KCNMA1: variants seen among roughly 807,000 people sequenced by gnomAD.
KCNMA1 encodes potassium calcium-activated channel subfamily M alpha 1, also known as Calcium-activated potassium channel subunit alpha-1.
KCNMA1 carries 29 observed loss-of-function variants against 140.0 expected under a neutral mutation model. That is an observed-to-expected ratio of 0.21 (90% CI 0.15 to 0.28). The LOEUF is 0.28. Ranked by LOEUF, KCNMA1 falls within the 10% of genes least tolerant of loss-of-function variation. KCNMA1 has a pLI of 1.00. For missense variants in KCNMA1, 880 were observed against 1,602.2 expected (o/e 0.55, Z 7.70); for synonymous variants, 612 against 611.9 (o/e 1.00, Z 0.00).
chr10:77,482,164 A>G (rs1187843812), intron 1 of KCNMA1, among the ~76,000 whole-genome samples: 2 of 152,192 alleles, frequency 1.3e-5, no homozygotes, highest in Non-Finnish European at 2.9e-5. Context: ...TATGGCTCAG[A>G]GATTGGAGTG....
chr10:77,004,797 C>G (rs2087830039), intron 18 of KCNMA1, among the ~76,000 whole-genome samples: 1 of 152,164 alleles, frequency 6.6e-6, no homozygotes, highest in Non-Finnish European at 1.5e-5. Flanking sequence ...CATGGATATT[C>G]AGAACCACTG....
intron 2 of KCNMA1, among the ~76,000 whole-genome samples, chr10:77,380,096 G>C (rs1462298332): frequency 6.6e-6 from 1 of 152,022 alleles, no homozygotes; most frequent in African/African-American, 2.4e-5. Flanking sequence ...ACTCTCAGAG[G>C]GGGAAAAATG....
intron 1 of KCNMA1, among the ~76,000 whole-genome samples, chr10:77,550,051 T>A (rs374007987): frequency 1.3e-5 from 2 of 152,144 alleles, no homozygotes; most frequent in African/African-American, 4.8e-5. Context: ...TGGAGTAAGA[T>A]TCAGCATTGT....
chr10:76,980,339 C>A (rs1316648588), intron 19 of KCNMA1: 1 of 152,248 alleles, frequency 6.6e-6, no homozygotes, highest in Non-Finnish European at 1.5e-5. Flanking sequence ...CCAGCTCTGA[C>A]CCTCTTTAGA....
At chr10:77,260,891 A>G (rs1329475364) in intron 2 of KCNMA1, among the ~76,000 whole-genome samples, 2 of 152,238 alleles carry the variant, frequency 1.3e-5, no homozygotes, top group Non-Finnish European at 2.9e-5. Context: ...CTGTGAAAAC[A>G]GATGTCATAA....
intron 1 of KCNMA1, among the ~76,000 whole-genome samples, chr10:77,543,016 T>TTTCTCTCTCTCTCA: frequency 7.9e-5 from 2 of 25,222 alleles, no homozygotes; most frequent in South Asian, 2.1e-3. Flanking sequence ...ACTCTCTCTC[T>TTTCTCTCTCTCTCA]TTCTCTCTCT....
intron 14 of KCNMA1, among the ~76,000 whole-genome samples, chr10:77,071,810 C>A (rs2096224586): frequency 6.6e-6 from 1 of 152,150 alleles, no homozygotes; most frequent in African/African-American, 2.4e-5. Context: ...GCAATTTGTT[C>A]CTTTATGTGG....
chr10:76,936,284 A>G (rs569062733), intron 23 of KCNMA1, among the ~76,000 whole-genome samples: 19 of 152,296 alleles, frequency 1.2e-4, no homozygotes, highest in African/African-American at 4.6e-4. Context: ...AGCTCTTTTA[A>G]TGAAATGTAC....
intron 2 of KCNMA1, among the ~76,000 whole-genome samples, chr10:77,316,682 G>A (rs529943517): frequency 1.3e-5 from 2 of 152,242 alleles, no homozygotes; most frequent in South Asian, 4.2e-4. Flanking sequence ...CACCACCTCA[G>A]CCAATAATTT....
chr10:76,999,447 G>A (rs532747248), intron 19 of KCNMA1, among the ~76,000 whole-genome samples: 4 of 152,234 alleles, frequency 2.6e-5, no homozygotes, highest in African/African-American at 9.6e-5. Context: ...GAGTAACCCG[G>A]GGGCTTGTGG....
chr10:77,197,680 T>C (rs1410010907), intron 3 of KCNMA1, among the ~76,000 whole-genome samples: 1 of 152,140 alleles, frequency 6.6e-6, no homozygotes, highest in African/African-American at 2.4e-5. Flanking sequence ...CACGTCAACA[T>C]GCTTGGGCAG....
intron 1 of KCNMA1, among the ~76,000 whole-genome samples, chr10:77,499,792 A>G (rs949413051): frequency 4.6e-5 from 7 of 152,246 alleles, no homozygotes; most frequent in African/African-American, 1.4e-4. Context: ...AAGATCTATT[A>G]GGTTTAAATA....
chr10:77,280,890 T>C (rs1471876263), intron 2 of KCNMA1, among the ~76,000 whole-genome samples: 2 of 152,192 alleles, frequency 1.3e-5, no homozygotes, highest in Admixed American at 1.3e-4. Flanking sequence ...GAATAAAATC[T>C]TTAACACATA....
intron 1 of KCNMA1, among the ~76,000 whole-genome samples, chr10:77,578,301 G>A (rs11002208): frequency 0.24 from 36,826 of 152,110 alleles, 4,542 homozygotes; most frequent in Middle Eastern, 0.31. Context: ...CTCTGGTCCC[G>A]GCTGTGCCGC....
intron 1 of KCNMA1, among the ~76,000 whole-genome samples, chr10:77,540,877 C>T (rs144752209): frequency 0.031 from 4,692 of 152,010 alleles, 261 homozygotes; most frequent in African/African-American, 0.11. Context: ...TGGTGGTGCA[C>T]GCCTGTAATC....
chr10:77,017,746 C>A (rs1437151168), intron 17 of KCNMA1, among the ~76,000 whole-genome samples: 2 of 152,294 alleles, frequency 1.3e-5, no homozygotes, highest in Non-Finnish European at 2.9e-5. Flanking sequence ...ATTAAGAGTG[C>A]AAGCTCCAAC....
chr10:77,086,253 T>C (rs1486577385), intron 11 of KCNMA1, among the ~76,000 whole-genome samples: 1 of 152,186 alleles, frequency 6.6e-6, no homozygotes, highest in African/African-American at 2.4e-5. Context: ...TTTCATGTTA[T>C]GACCAGTCCA....
chr10:77,500,756 T>C (rs1222017891), intron 1 of KCNMA1, among the ~76,000 whole-genome samples: 1 of 152,198 alleles, frequency 6.6e-6, no homozygotes, highest in African/African-American at 2.4e-5. Flanking sequence ...TGCTCTCTCA[T>C]ATATTAAGTT....
intron 2 of KCNMA1, among the ~76,000 whole-genome samples, chr10:77,326,342 A>T (rs148554524): frequency 2.0e-5 from 3 of 152,338 alleles, no homozygotes; most frequent in Non-Finnish European, 4.4e-5. Context: ...GTGGAACTTC[A>T]TAACGGTAGG....
Sources: gnomAD v4.1 joint callset for allele counts (sites outside exome capture counted in the v4.1 genomes callset) on GRCh38, gnomAD v4.1.1 for gene constraint, MANE v1.5 for transcripts, NCBI Gene and HGNC (gene_info 2026-07-23, HGNC 2026-07-21) for gene names.